Variants in KMT5B observed in about 807,000 individuals in gnomAD.
KMT5B encodes the protein histone-lysine N-methyltransferase KMT5B.
A neutral mutation model predicts 83.2 loss-of-function variants in KMT5B; 10 were observed. That is an observed-to-expected ratio of 0.12 (90% CI 0.07 to 0.20). The LOEUF (loss-of-function observed/expected upper bound fraction) is 0.20, where lower values mean the gene tolerates loss of function less well. KMT5B is among the 10% of genes least tolerant of loss of function. The pLI is 1.00. For synonymous variants in KMT5B, 349 were observed against 388.8 expected (o/e 0.90, Z 1.20); for missense variants, 753 against 1,067.2 (o/e 0.71, Z 4.10).
intron 1 of KMT5B, among the ~76,000 whole-genome samples, chr11:68,198,717 C>T (rs1859042652): frequency 6.6e-6 from 1 of 152,204 alleles, no homozygotes; most frequent in African/African-American, 2.4e-5. Context: ...AAAAACATTT[C>T]AAGAAAGTAC....
In KMT5B at chr11:68,169,479, C is replaced by T. The variant is rs142583607; in HGVS notation, c.977+1536G>A. Among the ~76,000 whole-genome samples the T allele has an allele frequency of 6.0e-3, 913 of 152,284 alleles. 6 individuals are homozygous for T. The highest frequency in any genetic ancestry group is 0.021 in the African/African-American group (886 of 41,548). On this transcript the variant is annotated intron_variant, in intron 9 of 10. Coordinates refer to ENST00000304363, the MANE Select transcript of KMT5B (RefSeq NM_017635.5). ...GATACAAGCCCCTGCCTTCATGGAG[C>T]TCATATTCTAATGGGAAAATAACCA...
chr11:68,196,709 G>A (rs1042831722), intron 1 of KMT5B, among the ~76,000 whole-genome samples: 3 of 151,702 alleles, frequency 2.0e-5, no homozygotes, highest in Non-Finnish European at 4.4e-5. Context: ...CTTCCCTACT[G>A]CTTGCCATTA....
chr11:68,193,110 G>A (rs1445431667), intron 1 of KMT5B, among the ~76,000 whole-genome samples: 3 of 152,148 alleles, frequency 2.0e-5, no homozygotes, highest in Admixed American at 1.3e-4. Flanking sequence ...AAGGCCCTAC[G>A]ATAAAGGGCA....
Position 68,166,974 on chromosome 11 carries a change from T to C in KMT5B, c.1174+8A>G. On this transcript the variant is annotated splice_region_variant and intron_variant, in intron 10 of 10. Transcript: ENST00000304363. ...AAAAGATATGCTTATCAAATCTCCC[T>C]TACTTACTTGCATTGTTTTTTTCCT... 1 of 1,613,270 alleles carries C rather than the reference T, an allele frequency of 6.2e-7. No homozygotes were observed. The highest frequency in any genetic ancestry group is 1.1e-5 in the South Asian group (1 of 91,056).
intron 1 of KMT5B, among the ~76,000 whole-genome samples, chr11:68,197,137 A>T (rs1003531725): frequency 3.2e-4 from 49 of 150,782 alleles, no homozygotes; most frequent in Non-Finnish European, 6.5e-4. Flanking sequence ...CACCTGGCTA[A>T]TTTTTTTTTG....
At chr11:68,190,371 T>G (rs1220081806) in intron 1 of KMT5B, among the ~76,000 whole-genome samples, 1 of 152,226 alleles carries the variant, frequency 6.6e-6, no homozygotes, top group Admixed American at 6.5e-5. Flanking sequence ...TTGCCTAGTA[T>G]TTACTATATT....
chr11:68,203,476 C>G (rs1213477953), intron 1 of KMT5B, among the ~76,000 whole-genome samples: 1 of 152,198 alleles, frequency 6.6e-6, no homozygotes, highest in Non-Finnish European at 1.5e-5. Context: ...AAGCCGTCTG[C>G]AATCAATATT....
intron 10 of KMT5B, among the ~76,000 whole-genome samples, chr11:68,162,155 G>A (rs1854924591): frequency 6.6e-6 from 1 of 152,166 alleles, no homozygotes. Context: ...GAAAGCCACA[G>A]CCTCCTGCAT....
At chr11:68,180,644 A>AAGTGACT (rs1856828880) in intron 3 of KMT5B, among the ~76,000 whole-genome samples, 1 of 152,186 alleles carries the variant, frequency 6.6e-6, no homozygotes, top group Admixed American at 6.5e-5. Context: ...CAGTGCCCTG[A>AAGTGACT]AGTGACTCCC....
intron 1 of KMT5B, among the ~76,000 whole-genome samples, chr11:68,190,461 TCAAGAGATATTC>T (rs771660513): frequency 9.9e-5 from 15 of 152,154 alleles, no homozygotes; most frequent in Non-Finnish European, 1.5e-4. Flanking sequence ...GGCAGGTTAT[TCAAGAGATATTC>T]CAGAGGAAGG....
chr11:68,155,472 A>C lies in KMT5B; in HGVS notation c.*2216T>G, dbSNP rs1385144131. The C allele has an allele frequency of 6.6e-6, 1 of 152,240 alleles. No homozygotes were observed. Among genetic ancestry groups the C allele is most frequent in the Admixed American group, 6.5e-5 (1 of 15,284 alleles). 9.4% of individuals were successfully genotyped at this position (152,240 alleles called of 1,614,324 possible). A position where few individuals can be genotyped will look rare whatever the true frequency, so the allele number is the denominator to read the frequency against. On this transcript the variant is annotated 3_prime_UTR_variant, in exon 11 of 11. Coordinates refer to ENST00000304363, the MANE Select transcript of KMT5B (RefSeq NM_017635.5). ...AATAAGTTACTAAAATTCAGCTGAA[A>C]AATGAAAATGGGAAATGTGTTTTGT... is the stretch of plus-strand genomic sequence containing the variant.
At chr11:68,164,001 G>A (rs2153044678) in intron 10 of KMT5B, among the ~76,000 whole-genome samples, 1 of 152,252 alleles carries the variant, frequency 6.6e-6, no homozygotes, top group African/African-American at 2.4e-5. Context: ...CCGCTCGCGA[G>A]CCTCTCTCTG....
At chr11:68,187,693 A>G (rs544554445) in intron 2 of KMT5B, among the ~76,000 whole-genome samples, 1 of 152,222 alleles carries the variant, frequency 6.6e-6, no homozygotes, top group Non-Finnish European at 1.5e-5. Context: ...TCATTGGTTT[A>G]TAGTCTTAAG....
intron 1 of KMT5B, among the ~76,000 whole-genome samples, chr11:68,207,650 G>A (rs1191320638): frequency 1.3e-5 from 2 of 151,736 alleles, no homozygotes; most frequent in Admixed American, 6.6e-5. Context: ...AATTAGCCAG[G>A]CATGGTGGCA....
intron 4 of KMT5B, among the ~76,000 whole-genome samples, chr11:68,175,788 T>C (rs1020401154): frequency 1.3e-5 from 2 of 152,216 alleles, no homozygotes; most frequent in African/African-American, 4.8e-5. Flanking sequence ...ACCTTGATGT[T>C]CTAACCACCC....
intron 1 of KMT5B, among the ~76,000 whole-genome samples, chr11:68,200,478 A>G (rs1859295848): frequency 6.6e-6 from 1 of 152,242 alleles, no homozygotes; most frequent in Non-Finnish European, 1.5e-5. Context: ...AATGGACACA[A>G]TGTCTTAAAA....
intron 10 of KMT5B, among the ~76,000 whole-genome samples, chr11:68,160,905 C>T (rs116304216): frequency 5.0e-4 from 76 of 152,280 alleles, no homozygotes; most frequent in African/African-American, 1.7e-3. Context: ...CAAAATCGCA[C>T]GATTGTACTC....
At chr11:68,207,575 G>C (rs529447240) in intron 1 of KMT5B, among the ~76,000 whole-genome samples, 2 of 151,956 alleles carry the variant, frequency 1.3e-5, no homozygotes, top group African/African-American at 4.8e-5. Context: ...GGCGGATCAC[G>C]AGGTCAAGAA....
At chr11:68,174,005 G>GA (rs1856094759) in intron 5 of KMT5B, 92 bp from the exon 6 acceptor site, 1 of 856,554 alleles carries the variant, frequency 1.2e-6, no homozygotes. Context: ...CCGCAATGAT[G>GA]AAAAAAATGT....
Sources: allele counts gnomAD v4.1 joint callset (sites outside exome capture counted in the v4.1 genomes callset), GRCh38; gene constraint gnomAD v4.1.1; transcripts MANE v1.5; gene names NCBI Gene and HGNC (gene_info 2026-07-23, HGNC 2026-07-21).